The following LRRC49 variants were observed in gnomAD, a reference collection of about 807,000 sequenced individuals.
LRRC49 encodes the protein leucine-rich repeat-containing protein 49.
A neutral mutation model predicts 83.3 loss-of-function variants in LRRC49; 50 were observed. The ratio of observed to expected loss-of-function variants is 0.60; its 90% CI spans 0.48 to 0.76. The LOEUF is 0.76. Among genes scored for constraint, LRRC49 ranks in the 30% least tolerant of loss-of-function variants. The pLI is 0.00. For missense variants in LRRC49, 704 were observed against 809.1 expected (o/e 0.87, Z 1.58); for synonymous variants, 286 against 283.3 (o/e 1.01, Z -0.10).
intron 11 of LRRC49, among the ~76,000 whole-genome samples, chr15:70,985,449 G>A (rs1414413965): frequency 1.3e-5 from 2 of 152,094 alleles, no homozygotes; most frequent in Non-Finnish European, 2.9e-5. Context: ...GTCTGTTCAT[G>A]TCCTTCGCCC....
rs139400860 is a variant in LRRC49 at position 70,855,303 on chromosome 15, C to G, written c.-299+1834C>G. On this transcript the variant is annotated intron_variant, in intron 1 of 16. Transcript: ENST00000544974. Reference sequence around the variant, plus strand: ...TGAGCCGAGATTGTGCCACTGCACTCCAGCCTGGGCAACAGAGCGAGACTC... The same window carrying G: ...TGAGCCGAGATTGTGCCACTGCACTGCAGCCTGGGCAACAGAGCGAGACTC... Among the ~76,000 whole-genome samples, 95 of 148,908 alleles carry G rather than the reference C, an allele frequency of 6.4e-4. 1 individual carries two copies. The highest frequency in any genetic ancestry group is 2.1e-3 in the African/African-American group (84 of 40,198).
At chr15:70,990,049 G>A (rs896797684) in intron 11 of LRRC49, among the ~76,000 whole-genome samples, 13 of 152,182 alleles carry the variant, frequency 8.5e-5, no homozygotes, top group African/African-American at 2.9e-4. Context: ...CTACTGGGGG[G>A]TGCCTCCCAG....
chr15:71,016,736 C>T (rs1459618328), intron 14 of LRRC49, among the ~76,000 whole-genome samples: 1 of 151,286 alleles, frequency 6.6e-6, no homozygotes, highest in Non-Finnish European at 1.5e-5. Flanking sequence ...GAAAAAGTAC[C>T]CCATTTATAG....
chr15:71,039,835 C>T (rs1368413684), intron 15 of LRRC49, among the ~76,000 whole-genome samples: 1 of 152,056 alleles, frequency 6.6e-6, no homozygotes, highest in Non-Finnish European at 1.5e-5. Context: ...GTAAAATCTA[C>T]CAACTTTTTA....
intron 14 of LRRC49, among the ~76,000 whole-genome samples, chr15:71,029,698 G>T (rs1363705396): frequency 6.6e-6 from 1 of 152,142 alleles, no homozygotes; most frequent in Admixed American, 6.6e-5. Context: ...ATGAATCTGG[G>T]TGCTCCCGTA....
At chr15:70,865,373 T>C (rs115464199) in intron 1 of LRRC49, among the ~76,000 whole-genome samples, 1 of 150,266 alleles carries the variant, frequency 6.7e-6, no homozygotes. Context: ...GAGAAAGACA[T>C]TCACCTACAA....
At chr15:71,005,682 AAT>A (rs2038431584) in intron 11 of LRRC49, among the ~76,000 whole-genome samples, 1 of 152,194 alleles carries the variant, frequency 6.6e-6, no homozygotes, top group African/African-American at 2.4e-5. Context: ...TGTTCTTATC[AAT>A]ACAGATGATT....
At chr15:70,983,800 A>G (rs975234486) in intron 10 of LRRC49, among the ~76,000 whole-genome samples, 3 of 152,162 alleles carry the variant, frequency 2.0e-5, no homozygotes, top group East Asian at 1.9e-4. Context: ...TCAGATTTTG[A>G]ATTTTTAATC....
chr15:71,047,738 A>G (rs1273211932), intron 15 of LRRC49, among the ~76,000 whole-genome samples: 2 of 152,032 alleles, frequency 1.3e-5, no homozygotes, highest in African/African-American at 2.4e-5. Context: ...TTTTAATGAC[A>G]CTATCTGTGA....
At chr15:71,042,895 C>T (rs1226068764) in intron 15 of LRRC49, among the ~76,000 whole-genome samples, 3 of 152,124 alleles carry the variant, frequency 2.0e-5, no homozygotes, top group African/African-American at 2.4e-5. Context: ...TTGACTGAGC[C>T]GCCTCTAGAA....
In LRRC49 at chr15:70,997,959, T is replaced by C. The variant is rs530918886; in HGVS notation, c.1170-10420T>C. On this transcript the variant is annotated intron_variant, in intron 11 of 15. Coordinates refer to ENST00000260382, the MANE Select transcript of LRRC49 (RefSeq NM_017691.5). ...AGTGTACCGTTTTTGATCCCTTTCT[T>C]GTTCCTTTTACCATACATTTTCTAG... 2.0e-5 allele frequency among the ~76,000 whole-genome samples: 3 copies of C among 152,334 alleles called. No homozygotes were observed. The South Asian group carries it at 6.2e-4, about 32-fold the overall frequency.
intron 14 of LRRC49, among the ~76,000 whole-genome samples, chr15:71,031,140 T>C (rs193285736): frequency 1.0e-3 from 154 of 152,334 alleles, no homozygotes; most frequent in Non-Finnish European, 1.7e-3. Flanking sequence ...TTTGTGGATT[T>C]ATCTACCTTT....
chr15:70,858,123 G>A (rs114738113), intron 1 of LRRC49, among the ~76,000 whole-genome samples: 1,856 of 152,220 alleles, frequency 0.012, 42 homozygotes, highest in African/African-American at 0.042. Flanking sequence ...TATGTATATT[G>A]CTCCATTGTA....
chr15:71,001,840 C>A (rs1288314287), intron 11 of LRRC49, among the ~76,000 whole-genome samples: 1 of 151,982 alleles, frequency 6.6e-6, no homozygotes. Context: ...TACAGGTGCC[C>A]GCCACCACGC....
intron 7 of LRRC49, among the ~76,000 whole-genome samples, chr15:70,926,962 A>G (rs4101023): frequency 0.046 from 7,016 of 152,256 alleles, 563 homozygotes; most frequent in African/African-American, 0.16. Context: ...CATTTATGCA[A>G]CCAACAGACA....
chr15:70,957,757 G>A (rs1309646064), intron 8 of LRRC49, among the ~76,000 whole-genome samples: 1 of 152,140 alleles, frequency 6.6e-6, no homozygotes, highest in East Asian at 1.9e-4. Flanking sequence ...GGAAATTAGT[G>A]AGCCCATCCT....
intron 6 of LRRC49, among the ~76,000 whole-genome samples, chr15:70,914,614 A>G (rs1444333303): frequency 6.6e-6 from 1 of 152,202 alleles, no homozygotes; most frequent in Non-Finnish European, 1.5e-5. Context: ...AAACATCAAG[A>G]CTTAGCAATT....
chr15:70,858,993 A>C (rs1189960725), intron 1 of LRRC49: 1 of 906,944 alleles, frequency 1.1e-6, no homozygotes, highest in Non-Finnish European at 1.9e-6. Flanking sequence ...AAGAAGGAGC[A>C]GATCAAGGCC....
chr15:70,967,294 A>G (rs1487471087), intron 9 of LRRC49, among the ~76,000 whole-genome samples: 5 of 152,116 alleles, frequency 3.3e-5, no homozygotes, highest in African/African-American at 9.7e-5. Context: ...TGTCTTGGAC[A>G]TAATAGGAGA....
Sources: gnomAD v4.1 joint callset for allele counts (sites outside exome capture counted in the v4.1 genomes callset) on GRCh38, gnomAD v4.1.1 for gene constraint, MANE v1.5 for transcripts, NCBI Gene and HGNC (gene_info 2026-07-23, HGNC 2026-07-21) for gene names.